The following AKR1E2 variants were observed in gnomAD, a reference collection of about 807,000 sequenced individuals.
AKR1E2 encodes the protein 1,5-anhydro-D-fructose reductase.
In AKR1E2, 43 loss-of-function variants were observed where a neutral mutation model predicts 41.9. The observed-to-expected ratio is 1.03, with a 90% CI of 0.80 to 1.32. The LOEUF (loss-of-function observed/expected upper bound fraction) is 1.32, where lower values mean the gene tolerates loss of function less well. Ranked by LOEUF, AKR1E2 falls within the 40% of genes most tolerant of loss-of-function variation. The pLI, the probability that AKR1E2 is intolerant of heterozygous loss-of-function variation, is 0.00. For missense variants in AKR1E2, 423 were observed against 396.5 expected (o/e 1.07, Z -0.57); for synonymous variants, 121 against 138.9 (o/e 0.87, Z 0.91).
In AKR1E2 at chr10:4,837,363, A is replaced by T. The variant is rs1833509059; in HGVS notation, c.460-96A>T. The stretch of plus-strand genomic sequence containing the variant: ...AAAATATTGTAAAAATATTGGGTCC[A>T]ACCAGTTTTAGAATACCATACAGAA... On this transcript the variant is annotated intron_variant, in intron 4 of 9. Transcript: ENST00000298375. 14 of 1,456,678 alleles carry T rather than the reference A, an allele frequency of 9.6e-6. No individual in the cohort carries two copies. In the South Asian group the frequency reaches 2.1e-4, roughly 22 times the overall value. 90.2% of individuals were successfully genotyped at this position (1,456,678 alleles called of 1,614,324 possible). A position where few individuals can be genotyped will look rare whatever the true frequency, so the allele number is the denominator to read the frequency against.
At chr10:4,828,552 ACT>A (rs1325055297) in intron 1 of AKR1E2, among the ~76,000 whole-genome samples, 1 of 152,014 alleles carries the variant, frequency 6.6e-6, no homozygotes, top group Admixed American at 6.6e-5. Flanking sequence ...TTGGCACCTT[ACT>A]CTCCACTGTA....
At chr10:4,872,895 G>A in the AKR1E2 span, among the ~76,000 whole-genome samples, 1 of 152,254 alleles carries the variant, frequency 6.6e-6, no homozygotes, top group South Asian at 2.1e-4. Context: ...AGGCATCATC[G>A]AGTGATATAT....
intron 5 of AKR1E2, 41 bp from the exon 6 acceptor site, chr10:4,839,688 C>T (rs1460647913): frequency 1.3e-6 from 2 of 1,568,774 alleles, no homozygotes; most frequent in Admixed American, 3.3e-5. Flanking sequence ...TTCTTGAACA[C>T]TAGTGGTCTG....
intron 2 of AKR1E2, among the ~76,000 whole-genome samples, chr10:4,832,480 C>T (rs1833046204): frequency 2.0e-5 from 3 of 152,154 alleles, no homozygotes; most frequent in Admixed American, 1.3e-4. Context: ...ATTTCTAAGG[C>T]TCACCCTGCA....
intron 3 of AKR1E2, 98 bp downstream of exon 3, chr10:4,833,564 G>T: frequency 1.9e-6 from 2 of 1,037,076 alleles, no homozygotes; most frequent in Non-Finnish European, 1.5e-6. Flanking sequence ...CCAGCATTCA[G>T]GGCAGGGGTT....
At chr10:4,833,286 AC>A in intron 2 of AKR1E2, 63 bp from the exon 3 acceptor site, 1 of 1,314,448 alleles carries the variant, frequency 7.6e-7, no homozygotes, top group Non-Finnish European at 1.1e-6. Context: ...TTGTGGGGCT[AC>A]AGAATGGGTG....
At chr10:4,864,974 AAATCCC>A in the AKR1E2 span, among the ~76,000 whole-genome samples, 1 of 152,228 alleles carries the variant, frequency 6.6e-6, no homozygotes, top group East Asian at 1.9e-4. Context: ...CTATGTACCA[AAATCCC>A]AATTTGAATA....
downstream of AKR1E2, among the ~76,000 whole-genome samples, chr10:4,850,201 A>G (rs1213531992): frequency 1.3e-5 from 2 of 152,212 alleles, no homozygotes; most frequent in African/African-American, 2.4e-5. Flanking sequence ...CTGGAGACCA[A>G]GGTCCACAGA....
At chr10:4,851,234 C>T (rs1834520815), downstream of AKR1E2, among the ~76,000 whole-genome samples, 1 of 152,226 alleles carries the variant, frequency 6.6e-6, no homozygotes, top group South Asian at 2.1e-4. Flanking sequence ...CATATTTTCA[C>T]AGGACTGAAT....
chr10:4,844,775 G>A (rs533888411), intron 8 of AKR1E2, among the ~76,000 whole-genome samples: 1 of 146,848 alleles, frequency 6.8e-6, no homozygotes, highest in Non-Finnish European at 1.5e-5. Flanking sequence ...ACAGAGTGCC[G>A]ATTGGTGTAT....
downstream of AKR1E2, among the ~76,000 whole-genome samples, chr10:4,849,900 G>A (rs1362432533): frequency 6.6e-6 from 1 of 152,182 alleles, no homozygotes; most frequent in African/African-American, 2.4e-5. Flanking sequence ...GCCTTTTACT[G>A]TCTTTGATTT....
At chr10:4,831,014 A>G (rs1832929176) in intron 2 of AKR1E2, among the ~76,000 whole-genome samples, 172 bp downstream of exon 2, 1 of 152,208 alleles carries the variant, frequency 6.6e-6, no homozygotes, top group South Asian at 2.1e-4. Flanking sequence ...GGTTTGTTTC[A>G]TATTATTTAC....
chr10:4,856,761 C>T, the AKR1E2 span, among the ~76,000 whole-genome samples: 1 of 152,090 alleles, frequency 6.6e-6, no homozygotes, highest in Non-Finnish European at 1.5e-5. Context: ...CAGAGGTAAC[C>T]AAATTTCTTT....
downstream of AKR1E2, among the ~76,000 whole-genome samples, chr10:4,850,831 A>C (rs1834509198): frequency 6.6e-6 from 1 of 152,204 alleles, no homozygotes; most frequent in Non-Finnish European, 1.5e-5. Flanking sequence ...TTTAGACACT[A>C]TTTATTAGTT....
chr10:4,852,816 G>T (rs1292296859), downstream of AKR1E2, among the ~76,000 whole-genome samples: 1 of 152,036 alleles, frequency 6.6e-6, no homozygotes, highest in Non-Finnish European at 1.5e-5. Flanking sequence ...AGTTTTAGAG[G>T]CTAGAAGTCT....
chr10:4,860,776 A>C, the AKR1E2 span, among the ~76,000 whole-genome samples: 1 of 152,344 alleles, frequency 6.6e-6, no homozygotes, highest in Non-Finnish European at 1.5e-5. Context: ...TGGTATGAAT[A>C]TGCTTTATTG....
the AKR1E2 span, among the ~76,000 whole-genome samples, chr10:4,862,868 G>T: frequency 6.6e-6 from 1 of 151,608 alleles, no homozygotes; most frequent in Admixed American, 6.6e-5. Flanking sequence ...AGACAAAGAA[G>T]GCCATTACAT....
rs1327936432 is a variant in AKR1E2 at position 4,837,588 on chromosome 10, C to T, written c.582+7C>T. The T allele has an allele frequency of 1.4e-5, 22 of 1,611,850 alleles. 1 individual carries two copies. Among genetic ancestry groups the T allele is most frequent in the East Asian group, 4.5e-5 (2 of 44,828 alleles). ...CAAGCCACTAACCAACCAGGTAAGC[C>T]GATGGAAGCATCAGAGAGTTTAACC... On this transcript the variant is annotated splice_region_variant and intron_variant, in intron 5 of 9. Coordinates refer to ENST00000298375, the MANE Select transcript of AKR1E2 (RefSeq NM_001040177.3).
the AKR1E2 span, among the ~76,000 whole-genome samples, chr10:4,870,222 C>T: frequency 4.1e-4 from 62 of 151,974 alleles, no homozygotes; most frequent in African/African-American, 1.5e-3. Context: ...GTTCCTTTAC[C>T]CTCCCCCATT....
Sources: allele counts gnomAD v4.1 joint callset (sites outside exome capture counted in the v4.1 genomes callset), GRCh38; gene constraint gnomAD v4.1.1; transcripts MANE v1.5; gene names NCBI Gene and HGNC (gene_info 2026-07-23, HGNC 2026-07-21).